Variants in CTNS observed in about 807,000 individuals in gnomAD.
CTNS encodes cystinosin, lysosomal cystine transporter, also known as cystinosin.
Under a neutral mutation model 43.7 loss-of-function variants are expected in CTNS, and 27 were observed. The ratio of observed to expected loss-of-function variants is 0.62; its 90% CI spans 0.46 to 0.85. The LOEUF (loss-of-function observed/expected upper bound fraction) is 0.85, where lower values mean the gene tolerates loss of function less well. CTNS is among the 40% of genes least tolerant of loss of function. The pLI is 0.00. For synonymous variants in CTNS, 187 were observed against 190.6 expected (o/e 0.98, Z 0.16); for missense variants, 457 against 475.4 (o/e 0.96, Z 0.36).
At chr17:3,641,155 T>C (rs1365023403) in intron 3 of CTNS, among the ~76,000 whole-genome samples, 1 of 151,616 alleles carries the variant, frequency 6.6e-6, no homozygotes, top group African/African-American at 2.4e-5. Context: ...GAACACAGGC[T>C]GGGATGGAGT....
chr17:3,659,942 C>T lies in CTNS; in HGVS notation c.937C>T (p.Leu313Phe), dbSNP rs1318817045. 1.9e-6 allele frequency: 3 copies of T among 1,613,868 alleles called. No homozygotes were observed. In the South Asian group the frequency reaches 3.3e-5, roughly 18 times the overall value. ...LLDFTGGSFS[L>F]LQMFLQSYNN... ...GGACTTCACCGGGGGCAGCTTCAGC[C>T]TCCTGCAGATGTTCCTCCAGTCCTA... The change falls in exon 11 of 12, where the codon CTC (leucine) becomes TTC (phenylalanine). Residue 313 changes from leucine (L) to phenylalanine (F), a missense_variant. Physicochemically the swap from Leu to Phe is conservative, Grantham distance 22. Coordinates refer to ENST00000046640, the MANE Select transcript of CTNS (RefSeq NM_004937.3).
chr17:3,639,410 G>A (rs1038118107), intron 2 of CTNS, among the ~76,000 whole-genome samples: 9 of 152,142 alleles, frequency 5.9e-5, no homozygotes, highest in Admixed American at 1.3e-4. Context: ...GCTCCTACCT[G>A]TAACCCCAGC....
At chr17:3,659,068 G>A (rs373261469) in intron 10 of CTNS, among the ~76,000 whole-genome samples, 2 of 152,290 alleles carry the variant, frequency 1.3e-5, no homozygotes, top group East Asian at 3.9e-4. Context: ...GAGGAGCCCA[G>A]GTTGGAGACG....
rs1009882965 is a variant in CTNS, at chr17:3,655,277, T to C, written c.386T>C (p.Val129Ala). The C allele has an allele frequency of 6.2e-7, 1 of 1,614,166 alleles. No individual in the cohort carries two copies. The highest frequency in any genetic ancestry group is 1.7e-5 in the Admixed American group (1 of 60,018). ...RSSAISIINQ[V>A]IGWIYFVAWS... ...AGCGCCATTAGCATCATAAACCAGG[T>C]GATTGGCTGGATCTACTTTGTGGCC... Residue 129 changes from valine to alanine, a missense_variant, in exon 7 of 12, where the codon GTG becomes GCG. Transcript: ENST00000046640.
chr17:3,647,688 T>C, intron 4 of CTNS, 166 bp downstream of exon 4: 1 of 696,442 alleles, frequency 1.4e-6, no homozygotes, highest in Non-Finnish European at 2.6e-6. Flanking sequence ...GGCTGCAGGA[T>C]GGGATCGCAA....
At chr17:3,657,805 AG>A in intron 9 of CTNS, 199 bp from the exon 10 acceptor site, 1 of 616,108 alleles carries the variant, frequency 1.6e-6, no homozygotes, top group South Asian at 1.9e-5. Context: ...GTCCAGCACC[AG>A]CCCAGGTGTG....
Position 3,654,996 on chromosome 17 carries a change from AG to A in CTNS, c.226del, listed in dbSNP as rs867630648. The A allele has an allele frequency of 3.1e-6, 5 of 1,610,084 alleles. No homozygotes were observed. Among genetic ancestry groups the A allele is most frequent in the Non-Finnish European group, 3.4e-6 (4 of 1,176,230 alleles). On this transcript the variant is annotated splice_acceptor_variant, in intron 5 of 11. Coordinates refer to ENST00000046640, the MANE Select transcript of CTNS (RefSeq NM_004937.3). LOFTEE classifies it high-confidence loss of function. ...CGGATTGAACCTCAGTCTTCCTAAC[AG>A]GTTGTGGTGCCTCCTGGAGTGACAA...
rs375132293 is a variant in CTNS, at chr17:3,660,755, A to C, written c.*386A>C. 1 of 1,613,154 alleles carries C rather than the reference A, an allele frequency of 6.2e-7. No individual in the cohort carries two copies. Among genetic ancestry groups the C allele is most frequent in the Non-Finnish European group, 8.5e-7 (1 of 1,179,978 alleles). ...GCTGACCTTGCAGCCGGGTGAGCCA[A>C]GGGCACTTTGCTGCCACCGCTGCAT... On this transcript the variant is annotated 3_prime_UTR_variant, in exon 12 of 12. Transcript: ENST00000046640.
chr17:3,637,680 T>C (rs2075568403), intron 2 of CTNS, among the ~76,000 whole-genome samples: 1 of 152,086 alleles, frequency 6.6e-6, no homozygotes, highest in African/African-American at 2.4e-5. Context: ...TTGGCCAGGC[T>C]GGTCTCGAAC....
intron 5 of CTNS, 46 bp from the exon 6 acceptor site, chr17:3,654,952 C>T (rs559639209): frequency 6.7e-5 from 95 of 1,409,464 alleles, no homozygotes; most frequent in Middle Eastern, 5.3e-4. Context: ...GCGGGGTCCT[C>T]GGTAACTGTA....
At chr17:3,641,355 G>GATATATATATATAT (rs1329463765) in intron 3 of CTNS, among the ~76,000 whole-genome samples, 1 of 64,020 alleles carries the variant, frequency 1.6e-5, no homozygotes, top group East Asian at 5.2e-4. Flanking sequence ...ACAAAAATCA[G>GATATATATATATAT]ATACATATAT....
chr17:3,639,443 G>A (rs954880305), intron 2 of CTNS, among the ~76,000 whole-genome samples: 1 of 152,030 alleles, frequency 6.6e-6, no homozygotes, highest in Non-Finnish European at 1.5e-5. Flanking sequence ...TGAGGCGGGC[G>A]GATCACTCGA....
chr17:3,647,063 G>A (rs1160709365), intron 3 of CTNS, among the ~76,000 whole-genome samples: 1 of 152,194 alleles, frequency 6.6e-6, no homozygotes, highest in Admixed American at 6.5e-5. Flanking sequence ...GGAGACCCCT[G>A]TGCTTTCATC....
rs547650834 is a variant in CTNS, at chr17:3,652,345, A to G, written c.226-2653A>G. 8.7e-4 allele frequency among the ~76,000 whole-genome samples: 133 copies of G among 152,304 alleles called. 1 individual carries two copies. Among genetic ancestry groups the G allele is most frequent in the Middle Eastern group, 3.4e-3 (1 of 294 alleles). On this transcript the variant is annotated intron_variant, in intron 5 of 11. Coordinates refer to ENST00000046640, the MANE Select transcript of CTNS (RefSeq NM_004937.3). ...GGTGGCTCATGCCTGTAATCCCAGC[A>G]CTTCGGGAGGCCGAGGCAGGCAGAT...
At chr17:3,646,098 A>G (rs1419757739) in intron 3 of CTNS, among the ~76,000 whole-genome samples, 1 of 152,088 alleles carries the variant, frequency 6.6e-6, no homozygotes, top group Non-Finnish European at 1.5e-5. Context: ...AGTCATGACC[A>G]TAACCCCAGG....
intron 10 of CTNS, among the ~76,000 whole-genome samples, chr17:3,659,048 A>G (rs1169481600): frequency 6.6e-6 from 1 of 151,850 alleles, no homozygotes; most frequent in Non-Finnish European, 1.5e-5. Context: ...GGGCCAAGAA[A>G]CCGGGGATGG....
intron 10 of CTNS, among the ~76,000 whole-genome samples, chr17:3,659,366 G>T (rs1289788905): frequency 6.6e-6 from 1 of 152,224 alleles, no homozygotes; most frequent in Admixed American, 6.5e-5. Flanking sequence ...TACAGACGGG[G>T]AAACCAAGGC....
chr17:3,643,335 C>G (rs910186752), intron 3 of CTNS, among the ~76,000 whole-genome samples: 1 of 151,984 alleles, frequency 6.6e-6, no homozygotes, highest in Non-Finnish European at 1.5e-5. Context: ...AAAATGCCTA[C>G]CTCTCACTTT....
At chr17:3,652,127 G>A (rs906866004) in intron 5 of CTNS, among the ~76,000 whole-genome samples, 7 of 152,152 alleles carry the variant, frequency 4.6e-5, no homozygotes, top group Admixed American at 1.3e-4. Flanking sequence ...TACCCGTGAT[G>A]CTGGAAGCCT....
Sources: gnomAD v4.1 joint callset for allele counts (sites outside exome capture counted in the v4.1 genomes callset) on GRCh38, gnomAD v4.1.1 for gene constraint, MANE v1.5 for transcripts, NCBI Gene and HGNC (gene_info 2026-07-23, HGNC 2026-07-21) for gene names.